Variants in CST2 observed in about 807,000 individuals in gnomAD.
CST2 encodes cystatin-SA.
Under a neutral mutation model 13.4 loss-of-function variants are expected in CST2, and 26 were observed. The ratio of observed to expected loss-of-function variants is 1.95; its 90% confidence interval spans 1.43 to 2.70. The LOEUF (loss-of-function observed/expected upper bound fraction) is 2.70. CST2 is among the 30% of genes most tolerant of loss of function. CST2 has a pLI of 0.00. For missense variants in CST2, 243 were observed against 173.4 expected (o/e 1.40, Z -2.25); for synonymous variants, 105 against 71.1 (o/e 1.48, Z -2.40).
Position 23,826,524 on chromosome 20 carries a change from C to T in CST2, c.137G>A (p.Arg46His), listed in dbSNP as rs144878011. Residue 46 changes from arginine (R) to histidine (H), a missense_variant, in exon 1 of 3, where the codon CGT (arginine) becomes CAT (histidine). Coordinates refer to ENST00000304725, the MANE Select transcript of CST2 (RefSeq NM_001322.3). The stretch of plus-strand genomic sequence containing the variant: ...CTCGCTGATGACAAAGTGAAGGGCA[C>T]GCTGTACCCGCTCATCATTGAGGTC... ...DADLNDERVQ[R>H]ALHFVISEYN... 198 of 1,614,120 alleles carry T rather than the reference C, an allele frequency of 1.2e-4. 1 individual carries two copies. In the African/African-American group the frequency reaches 1.3e-3, roughly 10 times the overall value.
At chr20:23,825,868 G>A (rs2122136591) in intron 1 of CST2, among the ~76,000 whole-genome samples, 1 of 152,316 alleles carries the variant, frequency 6.6e-6, no homozygotes, top group Admixed American at 6.5e-5. Flanking sequence ...GCTCTGCCAT[G>A]GGATGCAGGT....
chr20:23,825,423 C>T lies in CST2; in HGVS notation c.229-100G>A, dbSNP rs376858361. The T allele has an allele frequency of 1.6e-5, 20 of 1,234,416 alleles. No individual in the cohort carries two copies. The African/African-American group carries it at 2.4e-4, about 15-fold the overall frequency. The allele number at this position is 1,234,416 out of a possible 1,614,324, so 76.5% of individuals were successfully genotyped here. On this transcript the variant is annotated intron_variant, in intron 1 of 2. Coordinates refer to ENST00000304725, the MANE Select transcript of CST2 (RefSeq NM_001322.3). Reference sequence around the variant, plus strand: ...CTGAGTCACTGGACTTGCTTGGGGGCTTCGTGAGCTGCCCACATGTCAACA... The same window carrying T: ...CTGAGTCACTGGACTTGCTTGGGGGTTTCGTGAGCTGCCCACATGTCAACA...
chr20:23,824,247 T>C (rs1984756575), intron 2 of CST2, 144 bp from the exon 3 acceptor site: 8 of 779,806 alleles, frequency 1.0e-5, no homozygotes, highest in Non-Finnish European at 1.7e-5. Flanking sequence ...CCCAGAGCAC[T>C]GAACTAGAAT....
chr20:23,823,889 C>T lies in CST2; in HGVS notation c.*131G>A. On this transcript the variant is annotated 3_prime_UTR_variant, in exon 3 of 3. Transcript: ENST00000304725. ...GCTGAGCAACAAAGGCCTCCTGCAG[C>T]CTTCTCTGTCTTCTCCTGCTGCAGG... The T allele has an allele frequency of 1.1e-6, 1 of 949,482 alleles. No homozygotes were observed. 58.8% of individuals were successfully genotyped at this position (949,482 alleles called of 1,614,324 possible). A position where few individuals can be genotyped will look rare whatever the true frequency, so the allele number is the denominator to read the frequency against.
At position 23,824,058 on chromosome 20, in the gene CST2, T is replaced by C. The variant is rs145816057; in HGVS notation, c.388A>G (p.Arg130Gly). ...FQIYEVPWEDRMSLVNSRCQE... is the reference protein window; with the variant it reads ...FQIYEVPWEDGMSLVNSRCQE... Reference sequence around the variant, plus strand: ...CACCTGGAATTCACCAGGGACATTCTGTCCTCCCAGGGAACTTCGTAGATC... The same window carrying C: ...CACCTGGAATTCACCAGGGACATTCCGTCCTCCCAGGGAACTTCGTAGATC... Residue 130 changes from arginine (R) to glycine (G), a missense_variant, in exon 3 of 3, where the codon AGA (arginine) becomes GGA (glycine). By Grantham distance (125) the Arg-to-Gly change is moderately radical. Transcript: ENST00000304725. 7.2e-5 allele frequency: 116 copies of C among 1,614,098 alleles called. No homozygotes were observed. The African/African-American group carries it at 1.3e-3, about 18-fold the overall frequency.
chr20:23,826,429 C>T lies in CST2; in HGVS notation c.228+4G>A. ...AGGACCCCTCAGGTGGAGGCAGCAC[C>T]CACCTGCTCCCTGGCTCGTAGCACC... is the stretch of plus-strand genomic sequence containing the variant. On this transcript the variant is annotated splice_donor_region_variant and intron_variant, in intron 1 of 2. Coordinates refer to ENST00000304725, the MANE Select transcript of CST2 (RefSeq NM_001322.3). 1.2e-6 allele frequency: 2 copies of T among 1,613,460 alleles called. No individual in the cohort carries two copies. The highest frequency in any genetic ancestry group is 1.7e-6 in the Non-Finnish European group (2 of 1,179,450).
chr20:23,826,051 G>A (rs1280353113), intron 1 of CST2, among the ~76,000 whole-genome samples: 1 of 152,212 alleles, frequency 6.6e-6, no homozygotes, highest in Non-Finnish European at 1.5e-5. Flanking sequence ...GCTGTAGGGG[G>A]TGGTCAGCCG....
At chr20:23,825,573 G>C (rs192804066) in intron 1 of CST2, among the ~76,000 whole-genome samples, 244 of 152,328 alleles carry the variant, frequency 1.6e-3, no homozygotes, top group African/African-American at 5.7e-3. Context: ...GTGGCTCAGG[G>C]GCAAGGGAAC....
Position 23,824,122 on chromosome 20 carries a change from A to G in CST2, c.343-19T>C, listed in dbSNP as rs754771302. The G allele has an allele frequency of 6.2e-7, 1 of 1,612,334 alleles. No homozygotes were observed. Among genetic ancestry groups the G allele is most frequent in the Non-Finnish European group, 8.5e-7 (1 of 1,178,416 alleles). ...ACTGTTTCTGTGAAAGGGAAGAGAG[A>G]GGGCCAATCAGTGTGAGTTACAGTT... is the stretch of plus-strand genomic sequence containing the variant. On this transcript the variant is annotated intron_variant, in intron 2 of 2. Transcript: ENST00000304725.
At chr20:23,824,157 GTC>G in intron 2 of CST2, 54 bp from the exon 3 acceptor site, 30 of 1,577,476 alleles carry the variant, frequency 1.9e-5, no homozygotes, top group East Asian at 9.0e-5. Flanking sequence ...TAAAGGGGAA[GTC>G]ACCCAGGCAT....
rs111687203 is a variant in CST2, at chr20:23,825,357, C to A, written c.229-34G>T. The A allele has an allele frequency of 2.5e-6, 4 of 1,607,882 alleles. No homozygotes were observed. In the African/African-American group the frequency reaches 5.3e-5, roughly 21 times the overall value. Reference sequence around the variant, plus strand: ...ATGAGAAAACAGGATGCACGGACAGCGCCCCCATCAGTTCATGCACTCACA... The same window carrying A: ...ATGAGAAAACAGGATGCACGGACAGAGCCCCCATCAGTTCATGCACTCACA... On this transcript the variant is annotated intron_variant, in intron 1 of 2. Transcript: ENST00000304725.
In CST2 at chr20:23,825,277, G is replaced by T. The variant is rs1375277261; in HGVS notation, c.275C>A (p.Thr92Asn). Reference sequence around the variant, plus strand: ...GTTGGGCTGGGACTTGGTACATATGGTTCGGCCCACCTCTATGTCGAAGAA... The same window carrying T: ...GTTGGGCTGGGACTTGGTACATATGTTTCGGCCCACCTCTATGTCGAAGAA... ...NYFFDIEVGR[T>N]ICTKSQPNLD... The change falls in exon 2 of 3, where the codon ACC (threonine) becomes AAC (asparagine). Residue 92 changes from threonine to asparagine, a missense_variant. Coordinates refer to ENST00000304725, the MANE Select transcript of CST2 (RefSeq NM_001322.3). 1.9e-6 allele frequency: 3 copies of T among 1,614,086 alleles called. No individual in the cohort carries two copies. Among genetic ancestry groups the T allele is most frequent in the Non-Finnish European group, 1.7e-6 (2 of 1,180,018 alleles).
At position 23,823,969 on chromosome 20, in the gene CST2, T is replaced by A. The variant is rs761491646; in HGVS notation, c.*51A>T. 1 of 1,598,722 alleles carries A rather than the reference T, an allele frequency of 6.3e-7. No homozygotes were observed. The highest frequency in any genetic ancestry group is 1.3e-5 in the African/African-American group (1 of 74,700). ...GCCACCAGTCCAGGGGTGGGAGCAC[T>A]ACAAGGGGTGGGAGTAGGAGGTGGT... On this transcript the variant is annotated 3_prime_UTR_variant, in exon 3 of 3. Transcript: ENST00000304725.
intron 1 of CST2, among the ~76,000 whole-genome samples, chr20:23,826,060 C>T (rs765779259): frequency 1.1e-4 from 17 of 152,150 alleles, no homozygotes; most frequent in African/African-American, 1.9e-4. Context: ...GGTGGTCAGC[C>T]GGCCTGAGGG....
At chr20:23,825,364 A>C in intron 1 of CST2, 41 bp from the exon 2 acceptor site, 1 of 1,603,848 alleles carries the variant, frequency 6.2e-7, no homozygotes, top group African/African-American at 1.3e-5. Flanking sequence ...CAGCGCCCCC[A>C]TCAGTTCATG....
At chr20:23,825,346 T>A (rs374738633) in intron 1 of CST2, 23 bp from the exon 2 acceptor site, 25 of 1,611,916 alleles carry the variant, frequency 1.6e-5, no homozygotes, top group African/African-American at 9.3e-5. Flanking sequence ...GAAAACAGGA[T>A]GCACGGACAG....
At chr20:23,824,334 T>G (rs182142872) in intron 2 of CST2, among the ~76,000 whole-genome samples, 63 of 152,218 alleles carry the variant, frequency 4.1e-4, no homozygotes, top group African/African-American at 1.5e-3. Flanking sequence ...CAGCCTGCAG[T>G]GTCCTGTCCC....
At chr20:23,826,303 C>A (rs1984834243) in intron 1 of CST2, 130 bp downstream of exon 1, 2 of 777,566 alleles carry the variant, frequency 2.6e-6, no homozygotes, top group South Asian at 3.4e-5. Flanking sequence ...AGCAGAGAGT[C>A]AGGGAAAGCT....
intron 1 of CST2, 90 bp downstream of exon 1, chr20:23,826,343 T>G (rs1984835361): frequency 2.0e-6 from 2 of 991,568 alleles, no homozygotes; most frequent in Non-Finnish European, 3.1e-6. Flanking sequence ...ATCATGAATG[T>G]ATCAGTGTTG....
Sources: gnomAD v4.1 joint callset for allele counts (sites outside exome capture counted in the v4.1 genomes callset) on GRCh38, gnomAD v4.1.1 for gene constraint, MANE v1.5 for transcripts, NCBI Gene and HGNC (gene_info 2026-07-23, HGNC 2026-07-21) for gene names.